AFF4: variants seen among roughly 807,000 people sequenced by gnomAD.
AFF4 encodes AF4/FMR2 family member 4.
Under a neutral mutation model 124.8 loss-of-function variants are expected in AFF4, and 13 were observed. The ratio of observed to expected loss-of-function variants is 0.10; its 90% CI spans 0.07 to 0.17. The LOEUF (loss-of-function observed/expected upper bound fraction) is 0.17. Among genes scored for constraint, AFF4 ranks in the 10% least tolerant of loss-of-function variants. The pLI is 1.00. For missense variants in AFF4, 1,092 were observed against 1,403.8 expected (o/e 0.78, Z 3.55); for synonymous variants, 477 against 496.1 (o/e 0.96, Z 0.51).
chr5:132,924,083 G>C (rs1330102323), intron 5 of AFF4, among the ~76,000 whole-genome samples: 1 of 151,578 alleles, frequency 6.6e-6, no homozygotes, highest in Non-Finnish European at 1.5e-5. Context: ...ATGAAACCCC[G>C]TCTCTACTAA....
chr5:132,933,290 G>A (rs930773242), intron 3 of AFF4, among the ~76,000 whole-genome samples: 8 of 151,916 alleles, frequency 5.3e-5, no homozygotes, highest in African/African-American at 1.9e-4. Context: ...CCAGCTACTC[G>A]GGAGGCTGAG....
intron 19 of AFF4, among the ~76,000 whole-genome samples, chr5:132,884,711 G>A (rs1182563518): frequency 6.6e-6 from 1 of 152,194 alleles, no homozygotes; most frequent in Non-Finnish European, 1.5e-5. Flanking sequence ...ACGTGGAGAT[G>A]AAGGAGAAAT....
At chr5:132,938,392 T>A (rs1470056853) in intron 1 of AFF4, among the ~76,000 whole-genome samples, 1 of 151,642 alleles carries the variant, frequency 6.6e-6, no homozygotes, top group Non-Finnish European at 1.5e-5. Flanking sequence ...CTCAGCCTCC[T>A]GAGTAGCTGG....
intron 1 of AFF4, among the ~76,000 whole-genome samples, chr5:132,948,119 C>T (rs756732730): frequency 1.3e-5 from 2 of 151,888 alleles, no homozygotes; most frequent in African/African-American, 2.4e-5. Context: ...GGCACGATCT[C>T]GGCTCACTGC....
At chr5:132,950,108 G>A (rs1013023791) in intron 1 of AFF4, among the ~76,000 whole-genome samples, 3 of 151,608 alleles carry the variant, frequency 2.0e-5, no homozygotes, top group Non-Finnish European at 4.4e-5. Context: ...GAGGCAGGCC[G>A]ATCACGAGGT....
At chr5:132,927,444 G>A in intron 4 of AFF4, 2 of 396,986 alleles carry the variant, frequency 5.0e-6, no homozygotes, top group Non-Finnish European at 8.9e-6. Flanking sequence ...TGAAACCTGT[G>A]AATAGTTACA....
In AFF4 at chr5:132,934,740, T is replaced by C. The variant is rs1390431901; in HGVS notation, c.325A>G (p.Thr109Ala). ...GTGCTGGGTGCGGGTCCTACTGGAGTCCATTTGCTACTCTGATGAGAGCCT... is the reference window on the plus strand; with the variant it reads ...GTGCTGGGTGCGGGTCCTACTGGAGCCCATTTGCTACTCTGATGAGAGCCT... ...HGGSHQSSKW[T>A]PVGPAPSTSQ... Residue 109 changes from threonine (T) to alanine (A), a missense_variant, in exon 3 of 21, where the codon ACT becomes GCT. By Grantham distance (58) the Thr-to-Ala change is moderately conservative (BLOSUM62 0). Around this residue, in one of 11 missense-constraint regions of AFF4, gnomAD observed 188 missense variants for 203.0 expected, o/e 0.93. Coordinates refer to ENST00000265343, the MANE Select transcript of AFF4 (RefSeq NM_014423.4). 1.2e-6 allele frequency: 2 copies of C among 1,613,832 alleles called. No homozygotes were observed. The highest frequency in any genetic ancestry group is 1.7e-6 in the Non-Finnish European group (2 of 1,179,984).
chr5:132,938,324 G>A (rs1761481246), intron 1 of AFF4, among the ~76,000 whole-genome samples: 1 of 150,664 alleles, frequency 6.6e-6, no homozygotes, highest in South Asian at 2.1e-4. Context: ...GGAGTGCGGT[G>A]GTGCGATCTC....
At chr5:132,912,188 A>C (rs1434110832) in intron 5 of AFF4, among the ~76,000 whole-genome samples, 5 of 151,512 alleles carry the variant, frequency 3.3e-5, no homozygotes, top group East Asian at 1.9e-4. Flanking sequence ...AAAAAAAAAA[A>C]AAAACATTTA....
intron 1 of AFF4, among the ~76,000 whole-genome samples, chr5:132,945,876 C>T (rs943311267): frequency 1.3e-5 from 2 of 152,066 alleles, no homozygotes; most frequent in Non-Finnish European, 2.9e-5. Flanking sequence ...GCCTGACCAA[C>T]ATGGAAAAAC....
At position 132,883,505 on chromosome 5, in the gene AFF4, C is replaced by T. The variant is rs763206152; in HGVS notation, c.3199G>A (p.Gly1067Arg). The T allele has an allele frequency of 6.2e-7, 1 of 1,613,970 alleles. No homozygotes were observed. Among genetic ancestry groups the T allele is most frequent in the Non-Finnish European group, 8.5e-7 (1 of 1,180,014 alleles). The change falls in exon 20 of 21, where the codon GGA becomes AGA. Residue 1067 changes from glycine to arginine, a missense_variant. Transcript: ENST00000265343. ...CTACTGGCCCCAGATGAATAATTTCCTGAATTGCCTGGTGACAGCTTTGGA... is the reference window on the plus strand; with the variant it reads ...CTACTGGCCCCAGATGAATAATTTCTTGAATTGCCTGGTGACAGCTTTGGA... ...VSPKLSPGNS[G>R]NYSSGASSAS...
At chr5:132,959,660 GAACAT>G (rs201286287) in intron 1 of AFF4, among the ~76,000 whole-genome samples, 4,429 of 151,596 alleles carry the variant, frequency 0.029, 97 homozygotes, top group Non-Finnish European at 0.04. Context: ...TCAGTAACTG[GAACAT>G]ATATTACTGC....
intron 1 of AFF4, among the ~76,000 whole-genome samples, chr5:132,954,090 T>C (rs980661148): frequency 6.6e-6 from 1 of 152,198 alleles, no homozygotes; most frequent in Non-Finnish European, 1.5e-5. Flanking sequence ...ACAGTGTGCA[T>C]TCCAGATTCA....
At position 132,934,725 on chromosome 5, in the gene AFF4, C is replaced by G; in HGVS notation, c.340G>C (p.Ala114Pro). The change falls in exon 3 of 21, where the codon GCA becomes CCA. Residue 114 changes from alanine (A) to proline (P), a missense_variant. Transcript: ENST00000265343. Reference protein sequence around the residue: ...QSSKWTPVGPAPSTSQSQKRS... With the variant: ...QSSKWTPVGPPPSTSQSQKRS... ...TTCTGAGACTGAGAAGTGCTGGGTG[C>G]GGGTCCTACTGGAGTCCATTTGCTA... The G allele has an allele frequency of 6.2e-7, 1 of 1,614,012 alleles. No individual in the cohort carries two copies. The highest frequency in any genetic ancestry group is 8.5e-7 in the Non-Finnish European group (1 of 1,180,000).
chr5:132,895,293 G>T (rs1487169653), intron 11 of AFF4, among the ~76,000 whole-genome samples: 10 of 152,300 alleles, frequency 6.6e-5, no homozygotes, highest in Non-Finnish European at 1.5e-5. Context: ...AATTTTTAAA[G>T]ATTCAAAAAA....
At chr5:132,896,230 A>G in intron 11 of AFF4, 93 bp downstream of exon 11, 1 of 1,440,428 alleles carries the variant, frequency 6.9e-7, no homozygotes. Flanking sequence ...TTCACAGCTT[A>G]TGACCCACCT....
At chr5:132,898,640 C>T (rs1273923841) in intron 9 of AFF4, among the ~76,000 whole-genome samples, 1 of 152,122 alleles carries the variant, frequency 6.6e-6, no homozygotes, top group Non-Finnish European at 1.5e-5. Flanking sequence ...TCCACCACCA[C>T]GCCCGGCTAA....
chr5:132,901,104 A>G, intron 7 of AFF4: 3 of 985,470 alleles, frequency 3.0e-6, no homozygotes, highest in Non-Finnish European at 3.6e-6. Flanking sequence ...ACAGGGGCTT[A>G]GTGCATCTAT....
At position 132,892,285 on chromosome 5, in the gene AFF4, G is replaced by C. The variant is rs774046938; in HGVS notation, c.2516C>G (p.Ser839Cys). The C allele has an allele frequency of 5.0e-6, 8 of 1,613,976 alleles. No homozygotes were observed. The African/African-American group carries it at 1.1e-4, about 22-fold the overall frequency. Residue 839 changes from serine (S) to cysteine (C), a missense_variant, in exon 13 of 21, where the codon TCT (serine) becomes TGT (cysteine). Ser to Cys is a moderately radical substitution (Grantham distance 112, BLOSUM62 -1). This residue lies in a region of AFF4 where 293 missense variants were observed against 280.2 expected (regional missense o/e 1.05). Coordinates refer to ENST00000265343, the MANE Select transcript of AFF4 (RefSeq NM_014423.4). ...GCTGTTACTGCTTGACTTTAAGGAAGAAGACTGACTAATAGTCCTCTTCCG... is the reference window on the plus strand; with the variant it reads ...GCTGTTACTGCTTGACTTTAAGGAACAAGACTGACTAATAGTCCTCTTCCG... ...GSRKRTISQS[S>C]SLKSSSNSNK... is the part of the protein sequence containing the mutation.
Sources: gnomAD v4.1 joint callset for allele counts (sites outside exome capture counted in the v4.1 genomes callset) on GRCh38, gnomAD v4.1.1 for gene constraint, gnomAD v4.1.1 regional missense constraint, MANE v1.5 for transcripts, NCBI Gene and HGNC (gene_info 2026-07-23, HGNC 2026-07-21) for gene names.